The following ITPR2 variants were observed in gnomAD, a reference collection of about 807,000 sequenced individuals.
The protein encoded by ITPR2 is inositol 1,4,5-trisphosphate receptor type 2, also known as inositol 1,4,5-trisphosphate-gated calcium channel ITPR2.
ITPR2 carries 207 observed loss-of-function variants against 317.1 expected under a neutral mutation model. The observed-to-expected ratio is 0.65, with a 90% CI of 0.58 to 0.73. ITPR2 has a LOEUF of 0.73. ITPR2 is among the 30% of genes least tolerant of loss of function. ITPR2 has a pLI of 0.00. For missense variants in ITPR2, 2,613 were observed against 3,284.0 expected (o/e 0.80, Z 4.99); for synonymous variants, 1,156 against 1,149.1 (o/e 1.01, Z -0.12).
chr12:26,798,686 T>A (rs1950500244), intron 1 of ITPR2, among the ~76,000 whole-genome samples: 1 of 152,258 alleles, frequency 6.6e-6, no homozygotes, highest in South Asian at 2.1e-4. Context: ...ATTTTTCTCA[T>A]AATCCAGAAT....
At chr12:26,754,678 A>C (rs377360780) in intron 2 of ITPR2, among the ~76,000 whole-genome samples, 2 of 152,234 alleles carry the variant, frequency 1.3e-5, no homozygotes, top group Admixed American at 1.3e-4. Flanking sequence ...CAAGTTGTGG[A>C]AAGTTTGTGA....
At chr12:26,713,777 ATT>A (rs140095707) in intron 8 of ITPR2, among the ~76,000 whole-genome samples, 9,588 of 152,194 alleles carry the variant, frequency 0.063, 722 homozygotes, top group African/African-American at 0.18. Flanking sequence ...CTACCTCTAT[ATT>A]TTTTTAATTT....
Position 26,340,239 on chromosome 12 carries a change from A to C in ITPR2, c.7947T>G (p.Leu2649=), listed in dbSNP as rs199836285. 1.8e-4 allele frequency: 283 copies of C among 1,611,058 alleles called. No homozygotes were observed. The East Asian group carries it at 6.3e-3, about 36-fold the overall frequency. Reference sequence around the variant, plus strand: ...TCATGGTCGATTCCAACTTCTCCTGAAGGCTCCGAATTTCATTTTGCTCAC... The same window carrying C: ...TCATGGTCGATTCCAACTTCTCCTGCAGGCTCCGAATTTCATTTTGCTCAC... ...GDSEQNEIRS[L]QEKLESTMSL... is the part of the protein sequence containing the mutation. The change falls in exon 56 of 57, where the codon CTT becomes CTG. Residue 2649 remains leucine (L), a synonymous_variant. Coordinates refer to ENST00000381340, the MANE Select transcript of ITPR2 (RefSeq NM_002223.4).
chr12:26,469,898 G>A (rs1591810842), intron 45 of ITPR2, among the ~76,000 whole-genome samples: 1 of 152,070 alleles, frequency 6.6e-6, no homozygotes, highest in East Asian at 1.9e-4. Context: ...TAAAAGTTAG[G>A]AGATTCCACA....
intron 2 of ITPR2, among the ~76,000 whole-genome samples, chr12:26,765,827 A>T (rs1033450381): frequency 5.3e-5 from 8 of 152,092 alleles, no homozygotes; most frequent in African/African-American, 1.7e-4. Flanking sequence ...CTCGGCAATC[A>T]TTAATCTAAT....
At chr12:26,339,514 G>A (rs371074302) in intron 56 of ITPR2, 31 bp from the exon 57 acceptor site, 81 of 1,586,534 alleles carry the variant, frequency 5.1e-5, no homozygotes, top group African/African-American at 1.1e-4. Context: ...TGTGTTCAGC[G>A]GATTTTCTCA....
intron 1 of ITPR2, among the ~76,000 whole-genome samples, chr12:26,791,799 A>G (rs1396399550): frequency 6.6e-6 from 1 of 152,220 alleles, no homozygotes; most frequent in Non-Finnish European, 1.5e-5. Flanking sequence ...GAAAGGCTCC[A>G]ATAGTTGTGA....
chr12:26,693,449 G>A (rs1198955142), intron 10 of ITPR2, among the ~76,000 whole-genome samples: 1 of 152,058 alleles, frequency 6.6e-6, no homozygotes, highest in Non-Finnish European at 1.5e-5. Flanking sequence ...GCAGAGGATT[G>A]GTTCCAGGAC....
At chr12:26,628,708 A>G (rs1446784193) in intron 22 of ITPR2, among the ~76,000 whole-genome samples, 2 of 152,170 alleles carry the variant, frequency 1.3e-5, no homozygotes, top group African/African-American at 4.8e-5. Context: ...GTTCTCATTC[A>G]TGGATGCACG....
intron 2 of ITPR2, 95 bp from the exon 3 acceptor site, chr12:26,725,860 G>T: frequency 1.3e-6 from 1 of 779,432 alleles, no homozygotes. Context: ...TGGAATCCCT[G>T]ATTATACAGA....
intron 46 of ITPR2, among the ~76,000 whole-genome samples, chr12:26,440,634 G>A (rs2136731917): frequency 6.6e-6 from 1 of 152,152 alleles, no homozygotes; most frequent in South Asian, 2.1e-4. Flanking sequence ...AAATTTAGTA[G>A]GGTAAATAAA....
intron 55 of ITPR2, among the ~76,000 whole-genome samples, chr12:26,356,047 A>G (rs925024325): frequency 6.6e-6 from 1 of 152,214 alleles, no homozygotes; most frequent in Non-Finnish European, 1.5e-5. Flanking sequence ...ACAGACCAAT[A>G]TGTTATTCTG....
chr12:26,578,851 G>A lies in ITPR2; in HGVS notation c.4510-18C>T. The A allele has an allele frequency of 1.3e-6, 2 of 1,591,042 alleles. No homozygotes were observed. ...TGATGTGTCTAAAACCAGAAAGAAG[G>A]TAGGCAAAAAGAGATGCTAAACCAT... On this transcript the variant is annotated intron_variant, in intron 33 of 56. Transcript: ENST00000381340.
Position 26,619,831 on chromosome 12 carries a change from C to T in ITPR2, c.3462+1292G>A, listed in dbSNP as rs552255801. ...GCCATATTAACTGACACACTTACCACGTGCATAGGGTTTCCTCATTTAATC... is the reference window on the plus strand; with the variant it reads ...GCCATATTAACTGACACACTTACCATGTGCATAGGGTTTCCTCATTTAATC... On this transcript the variant is annotated intron_variant, in intron 26 of 56. Transcript: ENST00000381340. Among the ~76,000 whole-genome samples the T allele has an allele frequency of 9.2e-5, 14 of 152,268 alleles. 1 individual carries two copies. Among genetic ancestry groups the T allele is most frequent in the African/African-American group, 3.4e-4 (14 of 41,540 alleles).
intron 49 of ITPR2, among the ~76,000 whole-genome samples, chr12:26,423,754 T>G (rs1940964019): frequency 6.6e-6 from 1 of 152,176 alleles, no homozygotes; most frequent in Non-Finnish European, 1.5e-5. Context: ...AAACTAACAG[T>G]GCATTGCAGA....
intron 9 of ITPR2, among the ~76,000 whole-genome samples, chr12:26,706,174 T>C (rs887587548): frequency 1.3e-5 from 2 of 152,214 alleles, no homozygotes; most frequent in East Asian, 3.8e-4. Context: ...CAACTTGAAA[T>C]GTGGCTGTTG....
intron 37 of ITPR2, among the ~76,000 whole-genome samples, chr12:26,533,287 C>T (rs1275414119): frequency 6.6e-6 from 1 of 152,144 alleles, no homozygotes; most frequent in Middle Eastern, 3.2e-3. Context: ...TTTTTTCAAC[C>T]TTAACCTAAG....
chr12:26,506,964 T>A (rs937622143), intron 37 of ITPR2, among the ~76,000 whole-genome samples: 1 of 152,208 alleles, frequency 6.6e-6, no homozygotes, highest in Admixed American at 6.5e-5. Flanking sequence ...TAAAGATAAT[T>A]CTTTTACCTC....
chr12:26,654,467 G>A (rs1403011029), intron 20 of ITPR2, among the ~76,000 whole-genome samples: 1 of 152,044 alleles, frequency 6.6e-6, no homozygotes, highest in African/African-American at 2.4e-5. Context: ...TTAATAAATG[G>A]CTATTATCCA....
Sources: gnomAD v4.1 joint callset for allele counts (sites outside exome capture counted in the v4.1 genomes callset) on GRCh38, gnomAD v4.1.1 for gene constraint, MANE v1.5 for transcripts, NCBI Gene and HGNC (gene_info 2026-07-23, HGNC 2026-07-21) for gene names.